The following PSD3 variants were observed in gnomAD, a reference collection of about 807,000 sequenced individuals.
The protein encoded by PSD3 is pleckstrin and Sec7 domain containing 3, also known as PH and SEC7 domain-containing protein 3.
In PSD3, 49 loss-of-function variants were observed where a neutral mutation model predicts 105.5. The ratio of observed to expected loss-of-function variants is 0.46; its 90% CI spans 0.37 to 0.59. The LOEUF is 0.59. PSD3 is among the 20% of genes least tolerant of loss of function. The pLI, the probability that PSD3 is intolerant of heterozygous loss-of-function variation, is 0.00. For missense variants in PSD3, 1,561 were observed against 1,263.8 expected (o/e 1.24, Z -3.57); for synonymous variants, 557 against 457.8 (o/e 1.22, Z -2.77).
chr8:18,642,011 A>G (rs951000646), intron 10 of PSD3, among the ~76,000 whole-genome samples: 1 of 152,150 alleles, frequency 6.6e-6, no homozygotes, highest in African/African-American at 2.4e-5. Context: ...TCCTAAAAGT[A>G]AAAAAGAGAC....
chr8:18,638,999 C>A (rs879753383), intron 10 of PSD3, among the ~76,000 whole-genome samples: 4 of 152,208 alleles, frequency 2.6e-5, no homozygotes, highest in Non-Finnish European at 5.9e-5. Context: ...CACTGCCCTT[C>A]CGTGGCTTGT....
chr8:19,003,412 T>C (rs1248774802), intron 1 of PSD3, among the ~76,000 whole-genome samples: 1 of 151,918 alleles, frequency 6.6e-6, no homozygotes, highest in African/African-American at 2.4e-5. Flanking sequence ...GTCAGGTAAG[T>C]GAGTCTCCCC....
chr8:18,810,556 A>AT (rs1811604825), intron 4 of PSD3, among the ~76,000 whole-genome samples: 1 of 152,184 alleles, frequency 6.6e-6, no homozygotes, highest in East Asian at 1.9e-4. Context: ...ATTTCTTTAA[A>AT]TTTTTATGTA....
At chr8:18,861,439 A>T (rs2129455439) in intron 4 of PSD3, among the ~76,000 whole-genome samples, 1 of 152,152 alleles carries the variant, frequency 6.6e-6, no homozygotes, top group South Asian at 2.1e-4. Context: ...GTGACTCCAA[A>T]GTCTCTCCAG....
intron 2 of PSD3, among the ~76,000 whole-genome samples, chr8:18,916,700 T>C (rs1820631684): frequency 6.6e-6 from 1 of 151,908 alleles, no homozygotes; most frequent in Admixed American, 6.6e-5. Flanking sequence ...TATCACACAC[T>C]TGAAAATTGC....
At chr8:19,040,866 C>G (rs1828099979) in intron 1 of PSD3, among the ~76,000 whole-genome samples, 1 of 152,162 alleles carries the variant, frequency 6.6e-6, no homozygotes, top group Admixed American at 6.5e-5. Flanking sequence ...ATTCTACACA[C>G]TGCGAAGCTT....
intron 9 of PSD3, among the ~76,000 whole-genome samples, chr8:18,701,542 T>G (rs1293584510): frequency 1.3e-5 from 2 of 152,200 alleles, no homozygotes; most frequent in African/African-American, 4.8e-5. Flanking sequence ...ACATTTATAT[T>G]GCAGTCCAGT....
At chr8:18,640,045 G>C (rs951198216) in intron 10 of PSD3, among the ~76,000 whole-genome samples, 2 of 152,150 alleles carry the variant, frequency 1.3e-5, no homozygotes, top group African/African-American at 4.8e-5. Context: ...AGGATGAGTA[G>C]AAAGGTCTCT....
intron 9 of PSD3, chr8:18,763,161 C>A: frequency 2.4e-6 from 1 of 409,674 alleles, no homozygotes; most frequent in South Asian, 1.8e-5. Context: ...TACTTTTGAA[C>A]CAAATTAATC....
At chr8:18,620,041 G>C (rs1309837799) in intron 11 of PSD3, among the ~76,000 whole-genome samples, 1 of 152,118 alleles carries the variant, frequency 6.6e-6, no homozygotes, top group Non-Finnish European at 1.5e-5. Context: ...CACCCATGAG[G>C]CTGCTTCTAC....
chr8:18,970,373 C>G (rs1024065851), intron 1 of PSD3, among the ~76,000 whole-genome samples: 20 of 149,054 alleles, frequency 1.3e-4, no homozygotes, highest in African/African-American at 4.9e-4. Context: ...GAAACAACCT[C>G]ATTTCCCCCA....
intron 11 of PSD3, among the ~76,000 whole-genome samples, chr8:18,626,342 C>CT (rs56889920): frequency 0.3 from 46,111 of 151,890 alleles, 7,506 homozygotes; most frequent in Non-Finnish European, 0.35. Context: ...TTCCATGCAG[C>CT]TTTGATTCAA....
chr8:18,888,647 T>G (rs899144214), intron 2 of PSD3, among the ~76,000 whole-genome samples: 1 of 152,214 alleles, frequency 6.6e-6, no homozygotes, highest in Non-Finnish European at 1.5e-5. Context: ...ACATTTTTTA[T>G]AAAACTACCC....
At chr8:18,601,241 A>C (rs1804418384) in intron 11 of PSD3, among the ~76,000 whole-genome samples, 1 of 152,204 alleles carries the variant, frequency 6.6e-6, no homozygotes, top group South Asian at 2.1e-4. Flanking sequence ...TTCTAAAGCA[A>C]AAAGCAATAG....
At chr8:18,808,030 A>G (rs1470501527) in intron 4 of PSD3, among the ~76,000 whole-genome samples, 1 of 152,218 alleles carries the variant, frequency 6.6e-6, no homozygotes, top group East Asian at 1.9e-4. Flanking sequence ...ATCATTATCG[A>G]CAGTATAACC....
intron 1 of PSD3, among the ~76,000 whole-genome samples, chr8:19,011,459 G>A (rs374395842): frequency 9.9e-5 from 15 of 152,204 alleles, no homozygotes; most frequent in African/African-American, 3.6e-4. Flanking sequence ...TAAATATCAA[G>A]GTTTTAGAAA....
chr8:18,673,493 C>T (rs1799903125), intron 9 of PSD3, among the ~76,000 whole-genome samples: 1 of 152,164 alleles, frequency 6.6e-6, no homozygotes, highest in Admixed American at 6.5e-5. Flanking sequence ...TCCTTCGGTG[C>T]CATGGTTGGA....
intron 8 of PSD3, among the ~76,000 whole-genome samples, chr8:18,781,075 C>T (rs551308637): frequency 2.6e-5 from 4 of 152,204 alleles, no homozygotes; most frequent in African/African-American, 4.8e-5. Flanking sequence ...CTGCTTTTCA[C>T]CACTTTGGAG....
intron 1 of PSD3, among the ~76,000 whole-genome samples, chr8:18,990,945 A>C (rs992462614): frequency 1.3e-5 from 2 of 152,172 alleles, no homozygotes; most frequent in African/African-American, 4.8e-5. Flanking sequence ...GACAGTTAAA[A>C]GGACCAGATG....
Sources: gnomAD v4.1 joint callset for allele counts (sites outside exome capture counted in the v4.1 genomes callset) on GRCh38, gnomAD v4.1.1 for gene constraint, MANE v1.5 for transcripts, NCBI Gene and HGNC (gene_info 2026-07-23, HGNC 2026-07-21) for gene names.